Variants in FAR2 observed in about 807,000 individuals in gnomAD.
FAR2 encodes the protein fatty acyl-CoA reductase 2.
In FAR2, 19 loss-of-function variants were observed where a neutral mutation model predicts 56.0. The ratio of observed to expected loss-of-function variants is 0.34; its 90% CI spans 0.24 to 0.50. The LOEUF is 0.50. Among genes scored for constraint, FAR2 ranks in the 20% least tolerant of loss-of-function variants. FAR2 has a pLI of 0.98. For missense variants in FAR2, 508 were observed against 642.2 expected (o/e 0.79, Z 2.26); for synonymous variants, 219 against 218.8 (o/e 1.00, Z -0.01).
At chr12:29,156,210 T>G (rs949258690) in intron 1 of FAR2, among the ~76,000 whole-genome samples, 1 of 152,178 alleles carries the variant, frequency 6.6e-6, no homozygotes, top group African/African-American at 2.4e-5. Flanking sequence ...TCAATGATAA[T>G]GTACATTTAA....
At chr12:29,256,537 T>C (rs983522642) in intron 1 of FAR2, among the ~76,000 whole-genome samples, 3 of 152,194 alleles carry the variant, frequency 2.0e-5, no homozygotes, top group Non-Finnish European at 2.9e-5. Context: ...GCTCCCACTT[T>C]GGCGGCACTT....
intron 1 of FAR2, among the ~76,000 whole-genome samples, chr12:29,192,227 T>TCAC (rs1950108720): frequency 6.6e-6 from 1 of 152,262 alleles, no homozygotes; most frequent in Non-Finnish European, 1.5e-5. Flanking sequence ...CATTGTTTTG[T>TCAC]TATTGCATTT....
chr12:29,186,626 T>C (rs1188628023), intron 1 of FAR2, among the ~76,000 whole-genome samples: 2 of 152,182 alleles, frequency 1.3e-5, no homozygotes, highest in African/African-American at 2.4e-5. Flanking sequence ...GCTGGACATA[T>C]TCTTTTTCTG....
chr12:29,329,409 G>A (rs115611463), intron 10 of FAR2, among the ~76,000 whole-genome samples: 2 of 152,118 alleles, frequency 1.3e-5, no homozygotes, highest in East Asian at 1.9e-4. Flanking sequence ...AAGAATCAAA[G>A]CTTCAGTGGA....
chr12:29,201,311 T>C (rs1253305877), intron 1 of FAR2, among the ~76,000 whole-genome samples: 1 of 152,214 alleles, frequency 6.6e-6, no homozygotes, highest in African/African-American at 2.4e-5. Context: ...ACAATTCTTA[T>C]AGACATCTAC....
At chr12:29,157,966 C>T (rs950269756) in intron 1 of FAR2, among the ~76,000 whole-genome samples, 4 of 152,050 alleles carry the variant, frequency 2.6e-5, no homozygotes, top group East Asian at 1.9e-4. Context: ...AAGATTTTTG[C>T]TTATTATTTT....
intron 1 of FAR2, among the ~76,000 whole-genome samples, chr12:29,220,545 T>C (rs1947673820): frequency 6.6e-6 from 1 of 152,198 alleles, no homozygotes; most frequent in South Asian, 2.1e-4. Flanking sequence ...GAAAATATGG[T>C]GGTTACCTAT....
At chr12:29,303,898 T>A (rs1949215440) in intron 4 of FAR2, among the ~76,000 whole-genome samples, 1 of 152,224 alleles carries the variant, frequency 6.6e-6, no homozygotes, top group Admixed American at 6.5e-5. Flanking sequence ...TGAGTAATTT[T>A]CAAATGGCAG....
chr12:29,324,238 T>C (rs2136818067), intron 10 of FAR2, among the ~76,000 whole-genome samples: 1 of 152,240 alleles, frequency 6.6e-6, no homozygotes, highest in East Asian at 1.9e-4. Flanking sequence ...CCAAGAAATA[T>C]GGGACTATGT....
At chr12:29,313,720 T>C (rs1949393411) in intron 8 of FAR2, among the ~76,000 whole-genome samples, 1 of 152,146 alleles carries the variant, frequency 6.6e-6, no homozygotes. Flanking sequence ...CATCAATTTT[T>C]TTGTCCTAAA....
rs138138114 is a variant in FAR2, at chr12:29,175,168, G to A, written c.-39+25761G>A. On this transcript the variant is annotated intron_variant, in intron 1 of 11. Transcript: ENST00000536681. The stretch of plus-strand genomic sequence containing the variant: ...ACAGAATAGCAAGTGAAAGGGATCC[G>A]ATGGTACTCCCCACTTGGCGATAGC... Among the ~76,000 whole-genome samples the A allele has an allele frequency of 9.2e-5, 14 of 152,310 alleles. No individual in the cohort carries two copies. In the East Asian group the frequency reaches 2.1e-3, roughly 23 times the overall value.
chr12:29,304,285 T>A (rs552587223), intron 4 of FAR2, among the ~76,000 whole-genome samples: 3 of 152,318 alleles, frequency 2.0e-5, no homozygotes, highest in Admixed American at 2.0e-4. Context: ...GATTATCATG[T>A]GGAAGAACAT....
In FAR2 at chr12:29,297,142, A is replaced by G. The variant is rs1045513039; in HGVS notation, c.487A>G (p.Ile163Val). ...CTATTCAAATTGTAACCTGAAGCAC[A>G]TCGATGAAGTTATCTATCCGTGCCC... is the stretch of plus-strand genomic sequence containing the variant. Reference protein sequence around the residue: ...TAYSNCNLKHIDEVIYPCPVE... With the variant: ...TAYSNCNLKHVDEVIYPCPVE... Residue 163 changes from isoleucine (I) to valine (V), a missense_variant, in exon 4 of 12, where the codon ATC becomes GTC. Physicochemically the swap from Ile to Val is conservative, Grantham distance 29 (BLOSUM62 3). Coordinates refer to ENST00000536681, the MANE Select transcript of FAR2 (RefSeq NM_001271783.2). 6.2e-7 allele frequency: 1 copy of G among 1,614,052 alleles called. No individual in the cohort carries two copies. Among genetic ancestry groups the G allele is most frequent in the Non-Finnish European group, 8.5e-7 (1 of 1,179,976 alleles).
intron 1 of FAR2, among the ~76,000 whole-genome samples, chr12:29,262,954 A>G (rs1214655898): frequency 6.6e-6 from 1 of 152,232 alleles, no homozygotes; most frequent in Admixed American, 6.5e-5. Flanking sequence ...GGATGGAAAA[A>G]GATATTTCAT....
intron 1 of FAR2, among the ~76,000 whole-genome samples, chr12:29,260,864 TACC>T (rs1419120359): frequency 6.6e-6 from 1 of 152,040 alleles, no homozygotes; most frequent in Non-Finnish European, 1.5e-5. Flanking sequence ...TCTTGGATCT[TACC>T]CAAGGCCCCC....
intron 8 of FAR2, among the ~76,000 whole-genome samples, chr12:29,315,027 T>C (rs1949422953): frequency 6.6e-6 from 1 of 152,152 alleles, no homozygotes; most frequent in South Asian, 2.1e-4. Context: ...AATTTTGTTA[T>C]GGTACTTAAA....
At chr12:29,257,491 C>G (rs553482231) in intron 1 of FAR2, among the ~76,000 whole-genome samples, 2 of 152,310 alleles carry the variant, frequency 1.3e-5, no homozygotes, top group East Asian at 3.9e-4. Flanking sequence ...CGCTGGGGTC[C>G]TCTTCCACGC....
chr12:29,309,071 A>G lies in FAR2; in HGVS notation c.724-115A>G, dbSNP rs1949303443. On this transcript the variant is annotated intron_variant, in intron 5 of 11. Transcript: ENST00000536681. ...TAATAATACTGAATTAGATAGTTCT[A>G]TTGGCTGGGATCTCAGTGCTCTTGT... is the stretch of plus-strand genomic sequence containing the variant. 6.6e-6 allele frequency: 5 copies of G among 758,778 alleles called. No individual in the cohort carries two copies. In the Admixed American group the frequency reaches 1.0e-4, roughly 16 times the overall value. 47.0% of individuals were successfully genotyped at this position (758,778 alleles called of 1,614,324 possible).
intron 1 of FAR2, chr12:29,172,085 C>T (rs1363418779): frequency 6.7e-6 from 1 of 148,508 alleles, no homozygotes; most frequent in Non-Finnish European, 1.5e-5. Context: ...GCCCAGCCAC[C>T]AACTGTCTGG....
Sources: allele counts gnomAD v4.1 joint callset (sites outside exome capture counted in the v4.1 genomes callset), GRCh38; gene constraint gnomAD v4.1.1; transcripts MANE v1.5; gene names NCBI Gene and HGNC (gene_info 2026-07-23, HGNC 2026-07-21).